Variants in PRKG1 observed in about 807,000 individuals in gnomAD.
PRKG1 encodes protein kinase cGMP-dependent 1, also known as cGMP-dependent protein kinase 1.
Under a neutral mutation model 88.1 loss-of-function variants are expected in PRKG1, and 35 were observed. That is an observed-to-expected ratio of 0.40 (90% CI 0.30 to 0.53). PRKG1 has a LOEUF of 0.53. Ranked by LOEUF, PRKG1 falls within the 20% of genes least tolerant of loss-of-function variation. The probability of loss-of-function intolerance (pLI) is 0.59; values close to 1 mark genes in which losing one functional copy is unlikely to be tolerated. For missense variants in PRKG1, 540 were observed against 839.8 expected (o/e 0.64, Z 4.41); for synonymous variants, 303 against 292.5 (o/e 1.04, Z -0.37).
intron 2 of PRKG1, among the ~76,000 whole-genome samples, chr10:51,258,546 T>C (rs1839623717): frequency 6.6e-6 from 1 of 152,218 alleles, no homozygotes; most frequent in Non-Finnish European, 1.5e-5. Flanking sequence ...CCTTGCTCTA[T>C]TGTCACTCTG....
At chr10:52,018,845 T>G (rs1845109547) in intron 5 of PRKG1, among the ~76,000 whole-genome samples, 1 of 152,132 alleles carries the variant, frequency 6.6e-6, no homozygotes, top group South Asian at 2.1e-4. Context: ...TGGAAGACAT[T>G]AGAGGGGAAT....
chr10:51,868,217 A>G (rs1382432064), intron 4 of PRKG1, among the ~76,000 whole-genome samples: 1 of 152,188 alleles, frequency 6.6e-6, no homozygotes, highest in Non-Finnish European at 1.5e-5. Flanking sequence ...GGAGGCAGGC[A>G]GCTTTCCAAG....
chr10:51,435,894 G>A (rs968320100), intron 2 of PRKG1, among the ~76,000 whole-genome samples: 4 of 151,958 alleles, frequency 2.6e-5, no homozygotes, highest in Admixed American at 6.6e-5. Flanking sequence ...TCTTGGTCCC[G>A]AGTATGTTAT....
At chr10:51,700,206 G>C (rs1589214914) in intron 3 of PRKG1, among the ~76,000 whole-genome samples, 2 of 152,164 alleles carry the variant, frequency 1.3e-5, no homozygotes. Flanking sequence ...GTGCCGGCTG[G>C]GCCCTGCCCC....
At position 51,384,424 on chromosome 10, in the gene PRKG1, C is replaced by T. The variant is rs181183914; in HGVS notation, c.479-83299C>T. On this transcript the variant is annotated intron_variant, in intron 2 of 17. Transcript: ENST00000373980. ...GGCAGGCAGAGTGGCGTGGGAGATT[C>T]GGATTTAAGGAGCCTGTTCTTCAAT... is the stretch of plus-strand genomic sequence containing the variant. 3.0e-3 allele frequency among the ~76,000 whole-genome samples: 453 copies of T among 152,164 alleles called. 4 individuals are homozygous for T. The highest frequency in any genetic ancestry group is 0.01 in the African/African-American group (424 of 41,506).
intron 3 of PRKG1, among the ~76,000 whole-genome samples, chr10:51,509,707 G>A (rs1033968): frequency 0.94 from 142,922 of 152,170 alleles, 67,126 homozygotes; most frequent in East Asian, 1. Context: ...GTCCACACAC[G>A]ATGTTGGGGT....
chr10:51,127,376 A>T (rs1303375386), intron 1 of PRKG1, among the ~76,000 whole-genome samples: 1 of 152,224 alleles, frequency 6.6e-6, no homozygotes, highest in Non-Finnish European at 1.5e-5. Context: ...ATCACTGATC[A>T]TTAGAGAAAT....
At chr10:51,592,028 T>C (rs956663440) in intron 3 of PRKG1, among the ~76,000 whole-genome samples, 2 of 152,196 alleles carry the variant, frequency 1.3e-5, no homozygotes, top group African/African-American at 2.4e-5. Context: ...CTAATTAGTA[T>C]AGTGTGAGCT....
At chr10:51,584,016 T>C (rs943754410) in intron 3 of PRKG1, among the ~76,000 whole-genome samples, 6 of 152,100 alleles carry the variant, frequency 3.9e-5, no homozygotes, top group African/African-American at 1.2e-4. Flanking sequence ...CTAGCACTTA[T>C]AGCACTTAAT....
intron 1 of PRKG1, among the ~76,000 whole-genome samples, chr10:50,998,691 T>A (rs1328619753): frequency 1.3e-5 from 2 of 152,328 alleles, no homozygotes; most frequent in East Asian, 3.9e-4. Context: ...GAGGTTGCAG[T>A]GAGCCAAGAT....
chr10:51,399,568 A>G (rs1229010806), intron 2 of PRKG1, among the ~76,000 whole-genome samples: 1 of 152,210 alleles, frequency 6.6e-6, no homozygotes, highest in African/African-American at 2.4e-5. Context: ...AATATTAATG[A>G]GAGGCAGAGC....
intron 3 of PRKG1, among the ~76,000 whole-genome samples, chr10:51,687,946 G>A (rs910758400): frequency 6.6e-6 from 1 of 152,158 alleles, no homozygotes; most frequent in East Asian, 1.9e-4. Context: ...ATTTTTGTTT[G>A]TCTGCTTGCT....
intron 3 of PRKG1, among the ~76,000 whole-genome samples, chr10:51,499,240 G>T (rs887477357): frequency 6.6e-6 from 1 of 152,176 alleles, no homozygotes; most frequent in African/African-American, 2.4e-5. Context: ...CCTTCTAGAA[G>T]AGGCAGCTGT....
At chr10:51,161,002 C>G (rs1846346372) in intron 2 of PRKG1, among the ~76,000 whole-genome samples, 1 of 151,794 alleles carries the variant, frequency 6.6e-6, no homozygotes, top group African/African-American at 2.4e-5. Flanking sequence ...GAGTAATTGT[C>G]CTTTTCAAAG....
At chr10:51,022,473 T>G (rs1190176463) in intron 1 of PRKG1, among the ~76,000 whole-genome samples, 1 of 152,208 alleles carries the variant, frequency 6.6e-6, no homozygotes, top group Non-Finnish European at 1.5e-5. Context: ...TCTTTTATTT[T>G]GTTGCCTCTC....
At chr10:51,013,218 G>C (rs1354268687) in intron 1 of PRKG1, among the ~76,000 whole-genome samples, 1 of 152,148 alleles carries the variant, frequency 6.6e-6, no homozygotes, top group Non-Finnish European at 1.5e-5. Flanking sequence ...ATGCCCCATA[G>C]AGTAATTGTG....
intron 2 of PRKG1, among the ~76,000 whole-genome samples, chr10:51,226,238 C>T (rs1838691389): frequency 1.3e-5 from 2 of 152,080 alleles, no homozygotes; most frequent in South Asian, 4.1e-4. Flanking sequence ...AATGATTCTG[C>T]ATAATGTGGG....
At chr10:51,858,742 G>A (rs949386329) in intron 4 of PRKG1, among the ~76,000 whole-genome samples, 7 of 151,622 alleles carry the variant, frequency 4.6e-5, no homozygotes, top group Admixed American at 4.0e-4. Context: ...ACCTTCAAAA[G>A]GCCTTCTTAC....
intron 3 of PRKG1, among the ~76,000 whole-genome samples, chr10:51,658,083 A>T (rs1840206138): frequency 6.6e-6 from 1 of 152,200 alleles, no homozygotes; most frequent in Non-Finnish European, 1.5e-5. Flanking sequence ...TTAAAAAGAA[A>T]CATGAGATCC....
Sources: allele counts gnomAD v4.1 joint callset (sites outside exome capture counted in the v4.1 genomes callset), GRCh38; gene constraint gnomAD v4.1.1; transcripts MANE v1.5; gene names NCBI Gene and HGNC (gene_info 2026-07-23, HGNC 2026-07-21).